The following SLC44A1 variants were observed in gnomAD, a reference collection of about 807,000 sequenced individuals.
SLC44A1 encodes the protein solute carrier family 44 member 1.
SLC44A1 carries 26 observed loss-of-function variants against 79.3 expected under a neutral mutation model. That is an observed-to-expected ratio of 0.33 (90% CI 0.24 to 0.46). The LOEUF (loss-of-function observed/expected upper bound fraction) is 0.46, where lower values mean the gene tolerates loss of function less well. Ranked by LOEUF, SLC44A1 falls within the 20% of genes least tolerant of loss-of-function variation. The probability of loss-of-function intolerance (pLI) is 1.00; values close to 1 mark genes in which losing one functional copy is unlikely to be tolerated. For missense variants in SLC44A1, 688 were observed against 798.1 expected (o/e 0.86, Z 1.66); for synonymous variants, 263 against 286.2 (o/e 0.92, Z 0.82).
At chr9:105,333,667 G>A (rs1266638909) in intron 3 of SLC44A1, among the ~76,000 whole-genome samples, 2 of 152,100 alleles carry the variant, frequency 1.3e-5, no homozygotes, top group African/African-American at 2.4e-5. Context: ...AAAATTAGCC[G>A]GGTGTGGTAG....
At position 105,335,654 on chromosome 9, in the gene SLC44A1, G is replaced by A; in HGVS notation, c.361G>A (p.Glu121Lys). The A allele has an allele frequency of 6.2e-7, 1 of 1,613,756 alleles. No individual in the cohort carries two copies. The highest frequency in any genetic ancestry group is 1.6e-4 in the Middle Eastern group (1 of 6,062). The part of the protein sequence containing the change: ...ALCVAACPRQ[E>K]LKTLSDVQKF... ...GTGTGTAGCAGCGTGTCCAAGGCAA[G>A]AACTGAAAACTCTGAGTGATGTTCA... The change falls in exon 4 of 16, where the codon GAA (glutamate) becomes AAA (lysine). Residue 121 changes from glutamate to lysine, a missense_variant. Physicochemically the swap from Glu to Lys is moderately conservative, Grantham distance 56. Coordinates refer to ENST00000374720, the MANE Select transcript of SLC44A1 (RefSeq NM_080546.5).
At chr9:105,429,363 C>A (rs1418513538) in intron 15 of SLC44A1, among the ~76,000 whole-genome samples, 2 of 152,314 alleles carry the variant, frequency 1.3e-5, no homozygotes, top group East Asian at 3.9e-4. Flanking sequence ...AGTGCAGTGG[C>A]ACGATCACAG....
At chr9:105,328,702 C>T (rs1826658279) in intron 3 of SLC44A1, among the ~76,000 whole-genome samples, 1 of 152,208 alleles carries the variant, frequency 6.6e-6, no homozygotes, top group African/African-American at 2.4e-5. Context: ...TGAAGGTCTA[C>T]AGAAGTGCTG....
chr9:105,405,185 A>G (rs1241120460), intron 15 of SLC44A1, among the ~76,000 whole-genome samples: 2 of 151,936 alleles, frequency 1.3e-5, no homozygotes, highest in Non-Finnish European at 2.9e-5. Flanking sequence ...GCTGGGTGTG[A>G]TGGCGGGCAC....
intron 15 of SLC44A1, among the ~76,000 whole-genome samples, chr9:105,420,352 T>C (rs1209838955): frequency 6.6e-6 from 1 of 152,112 alleles, no homozygotes; most frequent in Non-Finnish European, 1.5e-5. Flanking sequence ...TTACAAAATG[T>C]CGGCGTTCTC....
At chr9:105,340,185 T>C (rs1285527788) in intron 4 of SLC44A1, among the ~76,000 whole-genome samples, 1 of 152,228 alleles carries the variant, frequency 6.6e-6, no homozygotes, top group African/African-American at 2.4e-5. Flanking sequence ...GTCAATTATA[T>C]GTTATGCATT....
chr9:105,261,735 GT>G (rs1235790941), intron 1 of SLC44A1, among the ~76,000 whole-genome samples: 1 of 150,764 alleles, frequency 6.6e-6, no homozygotes, highest in East Asian at 1.9e-4. Flanking sequence ...AGCTTTGTCA[GT>G]GTGCCAGAGC....
intron 1 of SLC44A1, among the ~76,000 whole-genome samples, chr9:105,276,566 G>A (rs189221700): frequency 2.5e-3 from 10 of 3,954 alleles, no homozygotes; most frequent in Non-Finnish European, 3.2e-3. Context: ...ATGGGGAGCC[G>A]TGTGTGTGTG....
At chr9:105,419,357 A>G (rs944159519) in intron 15 of SLC44A1, among the ~76,000 whole-genome samples, 15 of 152,212 alleles carry the variant, frequency 9.9e-5, no homozygotes, top group African/African-American at 3.6e-4. Flanking sequence ...AGCTCACAGG[A>G]TAAGAAAGGA....
At chr9:105,329,199 T>C (rs1826675553) in intron 3 of SLC44A1, among the ~76,000 whole-genome samples, 4 of 152,212 alleles carry the variant, frequency 2.6e-5, no homozygotes, top group Non-Finnish European at 5.9e-5. Flanking sequence ...AAAGGGGCTA[T>C]AAATTGTAAA....
intron 15 of SLC44A1, among the ~76,000 whole-genome samples, chr9:105,420,759 G>A (rs1245920412): frequency 6.6e-6 from 1 of 150,830 alleles, no homozygotes; most frequent in Non-Finnish European, 1.5e-5. Flanking sequence ...TACTCGGGAG[G>A]CTAAGGCAGG....
intron 15 of SLC44A1, among the ~76,000 whole-genome samples, chr9:105,403,183 G>A (rs17246524): frequency 0.063 from 9,603 of 151,872 alleles, 372 homozygotes; most frequent in Non-Finnish European, 0.084. Flanking sequence ...CAAATATGCT[G>A]GACTCTGGGA....
intron 4 of SLC44A1, among the ~76,000 whole-genome samples, chr9:105,344,883 G>C (rs1035903392): frequency 6.6e-6 from 1 of 152,192 alleles, no homozygotes; most frequent in African/African-American, 2.4e-5. Context: ...CAGAAGAGAT[G>C]AAGTTTGAGT....
At chr9:105,280,506 A>C (rs1375492957) in intron 1 of SLC44A1, among the ~76,000 whole-genome samples, 1 of 152,210 alleles carries the variant, frequency 6.6e-6, no homozygotes, top group Admixed American at 6.5e-5. Context: ...TATAAATAAG[A>C]ATTTATTATT....
intron 1 of SLC44A1, among the ~76,000 whole-genome samples, chr9:105,248,088 C>T (rs758267104): frequency 6.6e-6 from 1 of 152,164 alleles, no homozygotes; most frequent in Non-Finnish European, 1.5e-5. Context: ...CTAATGATAA[C>T]CTACACAACA....
chr9:105,375,540 C>T (rs1266737372), intron 13 of SLC44A1, among the ~76,000 whole-genome samples: 2 of 152,096 alleles, frequency 1.3e-5, no homozygotes, highest in Non-Finnish European at 2.9e-5. Context: ...GTGCCAAACT[C>T]CTAGGGTCAT....
At chr9:105,308,213 A>G (rs1335073028) in intron 2 of SLC44A1, among the ~76,000 whole-genome samples, 2 of 152,198 alleles carry the variant, frequency 1.3e-5, no homozygotes, top group Non-Finnish European at 2.9e-5. Context: ...CCCAAAGCCC[A>G]CCATCTTTCC....
At chr9:105,366,590 A>T (rs938624723) in intron 12 of SLC44A1, among the ~76,000 whole-genome samples, 161 bp downstream of exon 12, 5 of 152,190 alleles carry the variant, frequency 3.3e-5, no homozygotes, top group Non-Finnish European at 7.4e-5. Context: ...CTTATTTTTT[A>T]AATTAATGTA....
At chr9:105,258,728 C>A (rs746206668) in intron 1 of SLC44A1, among the ~76,000 whole-genome samples, 8 of 152,108 alleles carry the variant, frequency 5.3e-5, no homozygotes, top group Non-Finnish European at 1.2e-4. Flanking sequence ...TGCACTGTTG[C>A]CTAGGCTGGA....
Sources: allele counts gnomAD v4.1 joint callset (sites outside exome capture counted in the v4.1 genomes callset), GRCh38; gene constraint gnomAD v4.1.1; transcripts MANE v1.5; gene names NCBI Gene and HGNC (gene_info 2026-07-23, HGNC 2026-07-21).